The following EP300 variants were observed in gnomAD, a reference collection of about 807,000 sequenced individuals.
EP300 encodes EP300 lysine acetyltransferase.
EP300 carries 31 observed loss-of-function variants against 264.0 expected under a neutral mutation model. The observed-to-expected ratio is 0.12, with a 90% CI of 0.09 to 0.16. The LOEUF (loss-of-function observed/expected upper bound fraction) is 0.16. Among genes scored for constraint, EP300 ranks in the 10% least tolerant of loss-of-function variants. EP300 has a pLI of 1.00. For synonymous variants in EP300, 1,340 were observed against 1,045.4 expected, an observed-to-expected ratio of 1.28 and a Z score of -5.44; for missense variants, 2,766 against 3,052.9, an observed-to-expected ratio of 0.91 and a Z score of 2.21.
In EP300 at chr22:41,178,580, A is replaced by G; in HGVS notation, c.6869A>G (p.Gln2290Arg). The G allele has an allele frequency of 6.2e-7, 1 of 1,614,056 alleles. No individual in the cohort carries two copies. ...PQQHMLPNQA[Q>R]SPHLQGQQIP... is the part of the protein sequence containing the mutation. ...CAGCATATGCTCCCAAATCAGGCCC[A>G]GTCCCCACACCTACAAGGCCAGCAG... Residue 2290 changes from glutamine (Q) to arginine (R), a missense_variant, in exon 31 of 31, where the codon CAG becomes CGG. Gln to Arg is a conservative substitution (Grantham distance 43, BLOSUM62 1). Transcript: ENST00000263253.
chr22:41,161,740 ATTTAC>A (rs1369458508), intron 20 of EP300, among the ~76,000 whole-genome samples: 1 of 152,198 alleles, frequency 6.6e-6, no homozygotes, highest in Non-Finnish European at 1.5e-5. Context: ...GAAAGTTCAT[ATTTAC>A]TTCTGTTCAG....
chr22:41,150,276 C>G (rs2059036628), intron 14 of EP300, 78 bp downstream of exon 14: 5 of 1,458,702 alleles, frequency 3.4e-6, no homozygotes, highest in Admixed American at 2.0e-5. Context: ...CATTTCCATT[C>G]TCTTTTGCTT....
chr22:41,167,580 GTGTGTATATATATATATATATATATA>G lies in EP300; in HGVS notation c.3875-867_3875-842del, dbSNP rs1323570317. Among the ~76,000 whole-genome samples the G allele has an allele frequency of 0.019, 564 of 30,170 alleles. 44 individuals are homozygous for G. In the East Asian group the frequency reaches 0.27, roughly 14 times the overall value. 19.8% of individuals were successfully genotyped at this position (30,170 alleles called of 152,430 possible). ...TATATTTGTGTGTGTGTGTGTGTGTGTGTGTATATATATATATATATATATATATATATATATATATATATATATAT... is the reference window on the plus strand; with the variant it reads ...TATATTTGTGTGTGTGTGTGTGTGTGTATATATATATATATATATATATAT... On this transcript the variant is annotated intron_variant, in intron 23 of 30. Transcript: ENST00000263253.
intron 1 of EP300, among the ~76,000 whole-genome samples, chr22:41,101,198 C>G (rs1158473413): frequency 7.2e-5 from 11 of 152,060 alleles, no homozygotes; most frequent in Non-Finnish European, 1.2e-4. Flanking sequence ...CCTCAACCTC[C>G]CAAGTAGCTG....
At chr22:41,138,629 G>C (rs749038743) in intron 8 of EP300, among the ~76,000 whole-genome samples, 1 of 152,126 alleles carries the variant, frequency 6.6e-6, no homozygotes, top group Non-Finnish European at 1.5e-5. Flanking sequence ...ATGAAGGAGG[G>C]GGAGGCATAT....
chr22:41,096,006 GT>G (rs1393523009), intron 1 of EP300, among the ~76,000 whole-genome samples: 1 of 152,160 alleles, frequency 6.6e-6, no homozygotes, highest in Non-Finnish European at 1.5e-5. Context: ...ACTTTTACGT[GT>G]TGGGATGGGG....
intron 5 of EP300, 52 bp downstream of exon 5, chr22:41,130,055 C>T (rs757981633): frequency 1.5e-6 from 2 of 1,354,686 alleles, no homozygotes; most frequent in South Asian, 2.3e-5. Context: ...AAAGTCTCAC[C>T]AGTGCCATTT....
chr22:41,166,857 C>T (rs962606655), intron 23 of EP300, among the ~76,000 whole-genome samples, 191 bp downstream of exon 23: 3 of 152,092 alleles, frequency 2.0e-5, no homozygotes, highest in African/African-American at 7.2e-5. Flanking sequence ...AAAAAAATTT[C>T]CAAGGAACGG....
In EP300 at chr22:41,169,552, T is replaced by C; in HGVS notation, c.4222T>C (p.Cys1408Arg). Residue 1408 changes from cysteine to arginine, a missense_variant, in exon 26 of 31, where the codon TGC becomes CGC. Coordinates refer to ENST00000263253, the MANE Select transcript of EP300 (RefSeq NM_001429.4). ...LDSVHFFRPK[C>R]LRTAVYHEIL... ...TAGTGTTCATTTCTTCCGTCCTAAA[T>C]GCTTGAGGACTGCAGTCTATCATGA... 6.2e-7 allele frequency: 1 copy of C among 1,610,368 alleles called. No individual in the cohort carries two copies. The highest frequency in any genetic ancestry group is 8.5e-7 in the Non-Finnish European group (1 of 1,178,288).
intron 7 of EP300, 66 bp downstream of exon 7, chr22:41,135,972 TTG>T: frequency 8.0e-7 from 1 of 1,243,570 alleles, no homozygotes; most frequent in Non-Finnish European, 1.2e-6. Flanking sequence ...AATTCATTGT[TTG>T]ACTTTTGAAC....
intron 26 of EP300, among the ~76,000 whole-genome samples, chr22:41,169,999 A>G (rs2059160883): frequency 6.6e-6 from 1 of 152,228 alleles, no homozygotes; most frequent in Non-Finnish European, 1.5e-5. Context: ...GTCATTGGAA[A>G]CATTCACTCC....
At chr22:41,102,201 A>C (rs1011996182) in intron 1 of EP300, among the ~76,000 whole-genome samples, 1 of 151,972 alleles carries the variant, frequency 6.6e-6, no homozygotes, top group South Asian at 2.1e-4. Context: ...TCCTCTGTAC[A>C]TTGTTCCTTC....
At chr22:41,105,033 A>G (rs1488194724) in intron 1 of EP300, among the ~76,000 whole-genome samples, 1 of 151,856 alleles carries the variant, frequency 6.6e-6, no homozygotes, top group Non-Finnish European at 1.5e-5. Flanking sequence ...CGTCTCTACT[A>G]AAAATACAGA....
In EP300 at chr22:41,179,391, A is replaced by G. The variant is rs1601643338; in HGVS notation, c.*435A>G. 4.9e-6 allele frequency: 1 copy of G among 203,528 alleles called. No homozygotes were observed. Among genetic ancestry groups the G allele is most frequent in the Non-Finnish European group, 1.0e-5 (1 of 99,578 alleles). 12.6% of individuals were successfully genotyped at this position (203,528 alleles called of 1,614,324 possible). On this transcript the variant is annotated 3_prime_UTR_variant, in exon 31 of 31. Transcript: ENST00000263253. ...TTTCCTCACTTTATGGAAGAGTTAA[A>G]ACATTTCTAAACCAGAGGACAAAAG...
chr22:41,093,200 C>T (rs201863770), intron 1 of EP300, 102 bp downstream of exon 1: 4 of 1,157,844 alleles, frequency 3.5e-6, no homozygotes, highest in East Asian at 4.9e-5. Context: ...CTCTAGTTCC[C>T]TGCCCCTTAA....
At chr22:41,141,585 A>G (rs4820428) in intron 10 of EP300, among the ~76,000 whole-genome samples, 37,932 of 152,166 alleles carry the variant, frequency 0.25, 5,581 homozygotes, top group Admixed American at 0.43. Flanking sequence ...GACCAGGTTC[A>G]GGAGCCCTGT....
intron 1 of EP300, among the ~76,000 whole-genome samples, chr22:41,109,394 A>T (rs1480576519): frequency 6.6e-6 from 1 of 152,176 alleles, no homozygotes; most frequent in African/African-American, 2.4e-5. Context: ...TTACTGCTTG[A>T]TGAACTCTGT....
At chr22:41,167,580 GTGTGTATATATATATA>G (rs1249526635) in intron 23 of EP300, among the ~76,000 whole-genome samples, 113 of 30,100 alleles carry the variant, frequency 3.8e-3, no homozygotes, top group Admixed American at 9.0e-3. Flanking sequence ...GTGTGTGTGT[GTGTGTATATATATATA>G]TATATATATA....
At chr22:41,162,476 C>T (rs2059113370) in intron 20 of EP300, among the ~76,000 whole-genome samples, 1 of 152,066 alleles carries the variant, frequency 6.6e-6, no homozygotes, top group Non-Finnish European at 1.5e-5. Context: ...AAAGAAGAAA[C>T]AGTATTTCTA....
Sources: allele counts gnomAD v4.1 joint callset (sites outside exome capture counted in the v4.1 genomes callset), GRCh38; gene constraint gnomAD v4.1.1; transcripts MANE v1.5; gene names NCBI Gene and HGNC (gene_info 2026-07-23, HGNC 2026-07-21).